Variants in TCF4 observed in about 807,000 individuals in gnomAD.
TCF4 encodes the protein SL3-3 enhancer factor 2.
In TCF4, 3 loss-of-function variants were observed where a neutral mutation model predicts 82.1. That is an observed-to-expected ratio of 0.04 (90% confidence interval 0.02 to 0.09). The LOEUF (loss-of-function observed/expected upper bound fraction) is 0.09. Among genes scored for constraint, TCF4 ranks in the 10% least tolerant of loss-of-function variants. The pLI is 1.00. For synonymous variants in TCF4, 276 were observed against 309.6 expected (o/e 0.89, Z 1.14); for missense variants, 518 against 852.7 (o/e 0.61, Z 4.89).
At position 55,235,895 on chromosome 18, in the gene TCF4, A is replaced by G. The variant is rs143210415; in HGVS notation, c.1351-1212T>C. Among the ~76,000 whole-genome samples, 385 of 152,342 alleles carry G rather than the reference A, an allele frequency of 2.5e-3. 6 individuals are homozygous for G. Among genetic ancestry groups the G allele is most frequent in the African/African-American group, 8.6e-3 (359 of 41,572 alleles). ...CAATATATTTTAAAAGGGTATTTCC[A>G]AAGAATGCATCAACAATAAGTATCT... On this transcript the variant is annotated intron_variant, in intron 15 of 19. Coordinates refer to ENST00000354452, the MANE Select transcript of TCF4 (RefSeq NM_001083962.2).
At chr18:55,481,454 A>G (rs907663688) in intron 3 of TCF4, among the ~76,000 whole-genome samples, 7 of 152,240 alleles carry the variant, frequency 4.6e-5, no homozygotes, top group African/African-American at 1.4e-4. Flanking sequence ...CTCATTTTAC[A>G]GATGAAAAAT....
At chr18:55,515,137 C>A (rs1296361913) in intron 3 of TCF4, among the ~76,000 whole-genome samples, 1 of 152,032 alleles carries the variant, frequency 6.6e-6, no homozygotes, top group Non-Finnish European at 1.5e-5. Flanking sequence ...AGCCCTGTAT[C>A]CCAACACTTA....
chr18:55,495,320 A>T (rs1379571088), intron 3 of TCF4, among the ~76,000 whole-genome samples: 1 of 152,104 alleles, frequency 6.6e-6, no homozygotes, highest in African/African-American at 2.4e-5. Flanking sequence ...GAAAAAAAAA[A>T]AAAAAGAAGG....
At chr18:55,265,096 A>C (rs1209272785) in intron 11 of TCF4, 4 of 152,168 alleles carry the variant, frequency 2.6e-5, no homozygotes, top group Admixed American at 6.6e-5. Context: ...ACCCTCAACA[A>C]AACACTGGGA....
At chr18:55,238,767 TC>T (rs368679831) in intron 15 of TCF4, among the ~76,000 whole-genome samples, 121 of 152,336 alleles carry the variant, frequency 7.9e-4, no homozygotes, top group African/African-American at 2.7e-3. Context: ...TTGGACTCTT[TC>T]TTCATGATAC....
intron 6 of TCF4, among the ~76,000 whole-genome samples, chr18:55,390,921 C>T (rs2093029129): frequency 6.6e-6 from 1 of 152,208 alleles, no homozygotes. Context: ...CCAGGACTTG[C>T]ACCCTCAAAA....
At chr18:55,439,976 G>A (rs1259636720) in intron 5 of TCF4, among the ~76,000 whole-genome samples, 3 of 152,068 alleles carry the variant, frequency 2.0e-5, no homozygotes, top group Middle Eastern at 3.2e-3. Flanking sequence ...TGCCCTCCTC[G>A]GCCTCCCAAA....
At chr18:55,269,661 G>T in intron 11 of TCF4, 170 bp downstream of exon 11, 1 of 897,798 alleles carries the variant, frequency 1.1e-6, no homozygotes, top group Non-Finnish European at 1.7e-6. Context: ...ATATGGTTAT[G>T]CTCAAGCCAG....
chr18:55,239,508 TG>T (rs959931761), intron 15 of TCF4, among the ~76,000 whole-genome samples: 5 of 152,178 alleles, frequency 3.3e-5, no homozygotes, highest in Admixed American at 6.5e-5. Flanking sequence ...ACAGTGTGTG[TG>T]TGTGTCCATA....
In TCF4 at chr18:55,621,662, C is replaced by T. The variant is rs868608586; in HGVS notation, c.286+9636G>A. On this transcript the variant is annotated intron_variant, in intron 2 of 20. Coordinates refer to the TCF4 transcript ENST00000398339. The stretch of plus-strand genomic sequence containing the variant: ...TATATAATATACATTATATAATATA[C>T]ATTATATAATATACATTATATATTA... 2.1e-3 allele frequency among the ~76,000 whole-genome samples: 93 copies of T among 44,524 alleles called. 6 individuals carry two copies. Among genetic ancestry groups the T allele is most frequent in the African/African-American group, 2.7e-3 (37 of 13,904 alleles). 29.2% of individuals were successfully genotyped at this position (44,524 alleles called of 152,430 possible).
At chr18:55,395,119 T>C (rs1360595832) in intron 6 of TCF4, among the ~76,000 whole-genome samples, 1 of 152,204 alleles carries the variant, frequency 6.6e-6, no homozygotes, top group Non-Finnish European at 1.5e-5. Flanking sequence ...TAAATATTTC[T>C]GTCATTTCAC....
chr18:55,447,366 C>A (rs186080143), intron 5 of TCF4, among the ~76,000 whole-genome samples: 10 of 151,950 alleles, frequency 6.6e-5, no homozygotes, highest in Admixed American at 3.9e-4. Flanking sequence ...ATGTATGCAA[C>A]AACACCCTGG....
intron 5 of TCF4, among the ~76,000 whole-genome samples, chr18:55,438,110 A>G (rs957567965): frequency 1.3e-5 from 2 of 151,392 alleles, no homozygotes; most frequent in Non-Finnish European, 2.9e-5. Context: ...CTGAGACAGG[A>G]GAATTGCTTG....
rs756486962 is a variant in TCF4 at position 55,254,742 on chromosome 18, A to T, written c.1147-42T>A. The T allele has an allele frequency of 3.9e-6, 6 of 1,554,300 alleles. No homozygotes were observed. In the Admixed American group the frequency reaches 7.6e-5, roughly 20 times the overall value. On this transcript the variant is annotated intron_variant, in intron 14 of 19. Coordinates refer to ENST00000354452, the MANE Select transcript of TCF4 (RefSeq NM_001083962.2). ...GATGTAAAATTTGATTTAGTTCAAAAGGGGTGCCTAAATTATACAAGTAAA... is the reference window on the plus strand; with the variant it reads ...GATGTAAAATTTGATTTAGTTCAAATGGGGTGCCTAAATTATACAAGTAAA...
intron 3 of TCF4, among the ~76,000 whole-genome samples, chr18:55,569,883 A>G (rs1020755681): frequency 1.3e-5 from 2 of 152,194 alleles, no homozygotes; most frequent in African/African-American, 4.8e-5. Context: ...AAGGGTTCTC[A>G]AAGACCTTGA....
chr18:55,263,290 G>A (rs1337781482), intron 11 of TCF4, among the ~76,000 whole-genome samples: 2 of 152,054 alleles, frequency 1.3e-5, no homozygotes, highest in Non-Finnish European at 2.9e-5. Context: ...CTCATGATAG[G>A]TATTGTATAA....
intron 6 of TCF4, among the ~76,000 whole-genome samples, chr18:55,363,274 T>C (rs1368586939): frequency 6.6e-6 from 1 of 151,992 alleles, no homozygotes; most frequent in Admixed American, 6.6e-5. Context: ...AAAAAATCAA[T>C]GAGAAAATGA....
intron 3 of TCF4, among the ~76,000 whole-genome samples, chr18:55,510,159 T>C (rs2096809952): frequency 6.6e-6 from 1 of 152,108 alleles, no homozygotes; most frequent in African/African-American, 2.4e-5. Context: ...AGTAACCACA[T>C]TTTCTGACTC....
intron 5 of TCF4, among the ~76,000 whole-genome samples, chr18:55,443,237 A>G (rs2095472011): frequency 6.6e-6 from 1 of 152,178 alleles, no homozygotes; most frequent in South Asian, 2.1e-4. Context: ...CCAACAATGG[A>G]AACCTGTTCT....
Sources: gnomAD v4.1 joint callset for allele counts (sites outside exome capture counted in the v4.1 genomes callset) on GRCh38, gnomAD v4.1.1 for gene constraint, MANE v1.5 for transcripts, NCBI Gene and HGNC (gene_info 2026-07-23, HGNC 2026-07-21) for gene names.